Variants in NEK10 observed in about 807,000 individuals in gnomAD.
NEK10 encodes the protein serine/threonine-protein kinase Nek10.
NEK10 carries 122 observed loss-of-function variants against 159.8 expected under a neutral mutation model. The ratio of observed to expected loss-of-function variants is 0.76; its 90% CI spans 0.66 to 0.89. NEK10 has a LOEUF of 0.89. Among genes scored for constraint, NEK10 ranks in the 40% least tolerant of loss-of-function variants. The probability of loss-of-function intolerance (pLI) is 0.00; values close to 1 mark genes in which losing one functional copy is unlikely to be tolerated. For missense variants in NEK10, 1,342 were observed against 1,323.1 expected (o/e 1.01, Z -0.22); for synonymous variants, 466 against 457.1 (o/e 1.02, Z -0.25).
At chr3:27,322,834 A>C (rs2045745688) in intron 5 of NEK10, among the ~76,000 whole-genome samples, 2 of 152,194 alleles carry the variant, frequency 1.3e-5, no homozygotes, top group Non-Finnish European at 2.9e-5. Context: ...CATCAGCTAA[A>C]GGAAGGCAGG....
Position 27,106,701 on chromosome 3 carries a change from TG to T in NEK10, c.*4570del, listed in dbSNP as rs1939020249. 6.6e-6 allele frequency among the ~76,000 whole-genome samples: 1 copy of T among 152,218 alleles called. No individual in the cohort carries two copies. Among genetic ancestry groups the T allele is most frequent in the East Asian group, 1.9e-4 (1 of 5,198 alleles). On this transcript the variant is annotated 3_prime_UTR_variant, in exon 36 of 36. Coordinates refer to ENST00000691995, the MANE Select transcript of NEK10 (RefSeq NM_001394966.1). ...TTTCTGGCACAAACTTCTCTCTGCATGTTTTATGGGACCAGTTTTTCACATG... is the reference window on the plus strand; with the variant it reads ...TTTCTGGCACAAACTTCTCTCTGCATTTTTATGGGACCAGTTTTTCACATG...
chr3:27,335,057 G>A (rs1439715382), intron 5 of NEK10, among the ~76,000 whole-genome samples: 2 of 152,100 alleles, frequency 1.3e-5, no homozygotes, highest in Admixed American at 6.6e-5. Context: ...GAACCAAAGT[G>A]GCTGGGCACG....
chr3:27,220,319 G>A (rs1246497856), intron 23 of NEK10, among the ~76,000 whole-genome samples: 1 of 152,164 alleles, frequency 6.6e-6, no homozygotes, highest in East Asian at 1.9e-4. Context: ...CCTTTTTCCA[G>A]CTTCTAGAGA....
intron 5 of NEK10, 121 bp from the exon 6 acceptor site, chr3:27,322,382 G>A (rs2045705037): frequency 1.6e-6 from 1 of 639,058 alleles, no homozygotes; most frequent in Non-Finnish European, 2.8e-6. Context: ...TTTGCACTGG[G>A]GACTGTTATT....
At chr3:27,343,961 G>T (rs922171496) in intron 5 of NEK10, among the ~76,000 whole-genome samples, 1 of 152,180 alleles carries the variant, frequency 6.6e-6, no homozygotes, top group African/African-American at 2.4e-5. Flanking sequence ...GTTGTCCGTG[G>T]TGTTGTCCAA....
chr3:27,155,666 C>A (rs1455350497), intron 30 of NEK10, among the ~76,000 whole-genome samples: 1 of 151,928 alleles, frequency 6.6e-6, no homozygotes, highest in Non-Finnish European at 1.5e-5. Context: ...GGAAACACAT[C>A]CCATGCTCAG....
intron 31 of NEK10, among the ~76,000 whole-genome samples, chr3:27,137,501 G>C (rs545894380): frequency 6.6e-6 from 1 of 152,148 alleles, no homozygotes; most frequent in African/African-American, 2.4e-5. Flanking sequence ...TAACACTAAA[G>C]TTAAGAATGC....
intron 23 of NEK10, among the ~76,000 whole-genome samples, chr3:27,222,561 G>GC (rs1468429746): frequency 2.6e-5 from 4 of 152,078 alleles, no homozygotes; most frequent in Non-Finnish European, 5.9e-5. Flanking sequence ...TGTGATTTTA[G>GC]TTTTTTCTTG....
chr3:27,201,918 G>C (rs1328665375), intron 24 of NEK10, among the ~76,000 whole-genome samples: 6 of 152,086 alleles, frequency 3.9e-5, no homozygotes, highest in Non-Finnish European at 8.8e-5. Flanking sequence ...CAGCAGTTTG[G>C]GAGGCCAAGG....
chr3:27,332,011 C>T (rs1339937474), intron 5 of NEK10, among the ~76,000 whole-genome samples: 1 of 152,064 alleles, frequency 6.6e-6, no homozygotes, highest in Non-Finnish European at 1.5e-5. Context: ...AGAATGAGTA[C>T]CTTGGACAAG....
At chr3:27,134,714 C>A (rs562673196) in intron 31 of NEK10, among the ~76,000 whole-genome samples, 120 of 152,262 alleles carry the variant, frequency 7.9e-4, no homozygotes, top group African/African-American at 2.7e-3. Flanking sequence ...TATTAGAAAG[C>A]TATTGATCTT....
At chr3:27,204,315 T>TTTTTTTTGTTTTGTTTTG (rs1559606319) in intron 23 of NEK10, among the ~76,000 whole-genome samples, 1 of 113,186 alleles carries the variant, frequency 8.8e-6, no homozygotes, top group Non-Finnish European at 1.9e-5. Flanking sequence ...TTTTTTTTTT[T>TTTTTTTTGTTTTGTTTTG]TTTTTTATTA....
At chr3:27,310,191 CTAA>C (rs2149587666) in intron 9 of NEK10, 1 of 152,156 alleles carries the variant, frequency 6.6e-6, no homozygotes, top group East Asian at 1.9e-4. Flanking sequence ...TCTCTGTCTT[CTAA>C]TGTTTCCCAA....
At position 27,189,658 on chromosome 3, in the gene NEK10, C is replaced by A. The variant is rs145670504; in HGVS notation, c.2505+2371G>T. 3.2e-3 allele frequency among the ~76,000 whole-genome samples: 494 copies of A among 152,016 alleles called. 2 individuals are homozygous for A. Among genetic ancestry groups the A allele is most frequent in the Non-Finnish European group, 5.2e-3 (351 of 67,914 alleles). ...AGTTTTTAAAAATAATAATTGGTCC[C>A]CACTGAGAAAAATGCCAATTAACTG... On this transcript the variant is annotated intron_variant, in intron 26 of 35. Transcript: ENST00000691995.
At position 27,174,498 on chromosome 3, in the gene NEK10, A is replaced by C; in HGVS notation, c.2717T>G (p.Leu906Trp). 6.2e-7 allele frequency: 1 copy of C among 1,612,322 alleles called. No homozygotes were observed. Among genetic ancestry groups the C allele is most frequent in the Non-Finnish European group, 8.5e-7 (1 of 1,179,624 alleles). Residue 906 changes from leucine (L) to tryptophan (W), a missense_variant, in exon 28 of 36, where the codon TTG (leucine) becomes TGG (tryptophan). Physicochemically the swap from Leu to Trp is moderately conservative, Grantham distance 61. Transcript: ENST00000691995. ...KDTYSEVDDE[L>W]DISDNSSSSS... The stretch of plus-strand genomic sequence containing the variant: ...GCTGCTGGAGTTATCCGAAATGTCC[A>C]ATTCATCATCTACCTCTGAATATGT...
At chr3:27,143,525 C>A in intron 30 of NEK10, 1 of 731,618 alleles carries the variant, frequency 1.4e-6, no homozygotes, top group South Asian at 1.5e-5. Context: ...CTGAATTAAT[C>A]AACTATGCAA....
chr3:27,337,578 C>T (rs113724537), intron 5 of NEK10, among the ~76,000 whole-genome samples: 2,546 of 152,262 alleles, frequency 0.017, 81 homozygotes, highest in African/African-American at 0.059. Flanking sequence ...ACCAAAACAG[C>T]ATGGTAATGG....
chr3:27,247,428 G>A (rs1955185436), intron 23 of NEK10, among the ~76,000 whole-genome samples: 1 of 152,182 alleles, frequency 6.6e-6, no homozygotes, highest in African/African-American at 2.4e-5. Flanking sequence ...GTATCACATT[G>A]ATTGATTTAC....
intron 26 of NEK10, among the ~76,000 whole-genome samples, chr3:27,185,718 TCC>T (rs1948553231): frequency 6.6e-6 from 1 of 152,186 alleles, no homozygotes; most frequent in Non-Finnish European, 1.5e-5. Context: ...CATATCAGCA[TCC>T]CTGGCTGCTA....
Sources: gnomAD v4.1 joint callset for allele counts (sites outside exome capture counted in the v4.1 genomes callset) on GRCh38, gnomAD v4.1.1 for gene constraint, MANE v1.5 for transcripts, NCBI Gene and HGNC (gene_info 2026-07-23, HGNC 2026-07-21) for gene names.